PDE8A: variants seen among roughly 807,000 people sequenced by gnomAD.
PDE8A encodes phosphodiesterase 8A, also known as high affinity cAMP-specific and IBMX-insensitive 3',5'-cyclic phosphodiesterase 8A.
In PDE8A, 59 loss-of-function variants were observed where a neutral mutation model predicts 105.0. The observed-to-expected ratio is 0.56, with a 90% CI of 0.46 to 0.70. The LOEUF (loss-of-function observed/expected upper bound fraction) is 0.70. Among genes scored for constraint, PDE8A ranks in the 30% least tolerant of loss-of-function variants. The probability of loss-of-function intolerance (pLI) is 0.00; values close to 1 mark genes in which losing one functional copy is unlikely to be tolerated. For missense variants in PDE8A, 1,014 were observed against 1,045.9 expected (o/e 0.97, Z 0.42); for synonymous variants, 355 against 371.9 (o/e 0.95, Z 0.52).
chr15:85,122,827 C>G (rs1254648168), intron 18 of PDE8A, among the ~76,000 whole-genome samples: 1 of 152,202 alleles, frequency 6.6e-6, no homozygotes, highest in Non-Finnish European at 1.5e-5. Context: ...AACACTGCAA[C>G]TATAAGTTTT....
At chr15:85,103,747 A>G (rs2081903786) in intron 11 of PDE8A, among the ~76,000 whole-genome samples, 1 of 152,220 alleles carries the variant, frequency 6.6e-6, no homozygotes, top group Non-Finnish European at 1.5e-5. Flanking sequence ...CACTGCTGTC[A>G]CTACTGAGCT....
intron 1 of PDE8A, among the ~76,000 whole-genome samples, chr15:84,999,144 G>T (rs1381859103): frequency 7.8e-6 from 1 of 128,904 alleles, no homozygotes; most frequent in African/African-American, 2.9e-5. Flanking sequence ...TTTTTGAGAC[G>T]GAATCTTGCT....
At chr15:85,087,922 T>G (rs1222122693) in intron 6 of PDE8A, among the ~76,000 whole-genome samples, 1 of 152,354 alleles carries the variant, frequency 6.6e-6, no homozygotes, top group East Asian at 1.9e-4. Flanking sequence ...TGTTGAGACG[T>G]CTGGGTATTG....
rs2082058668 is a variant in PDE8A at position 85,114,016 on chromosome 15, C to G, written c.1329C>G (p.Asp443Glu). 1 of 1,613,644 alleles carries G rather than the reference C, an allele frequency of 6.2e-7. No individual in the cohort carries two copies. Among genetic ancestry groups the G allele is most frequent in the Non-Finnish European group, 8.5e-7 (1 of 1,179,658 alleles). Reference protein sequence around the residue: ...GAKDDDPHANDLVGGLMSDGL... With the variant: ...GAKDDDPHANELVGGLMSDGL... ...AAGATGATGATCCCCATGCCAATGA[C>G]CTTGTTGGGGGCTTAATGTCTGTAA... Residue 443 changes from aspartate to glutamate, a missense_variant, in exon 14 of 22, where the codon GAC becomes GAG. By Grantham distance (45) the Asp-to-Glu change is conservative. Transcript: ENST00000394553.
chr15:85,071,812 G>A (rs1180191332), intron 3 of PDE8A, among the ~76,000 whole-genome samples: 2 of 152,158 alleles, frequency 1.3e-5, no homozygotes, highest in Middle Eastern at 3.2e-3. Context: ...ATGAGAAGGG[G>A]GGCCTGTGAA....
At chr15:84,999,547 CT>C (rs1022977945) in intron 1 of PDE8A, among the ~76,000 whole-genome samples, 2 of 120,358 alleles carry the variant, frequency 1.7e-5, no homozygotes, top group Non-Finnish European at 3.4e-5. Flanking sequence ...CATGGCCTCC[CT>C]TTTTTGTTGT....
At chr15:85,114,084 G>T in intron 14 of PDE8A, 47 bp downstream of exon 14, 1 of 1,544,806 alleles carries the variant, frequency 6.5e-7, no homozygotes. Context: ...TCTGTTCTTG[G>T]TTGTTTTCTC....
At chr15:85,088,827 C>T (rs1435694569) in intron 6 of PDE8A, among the ~76,000 whole-genome samples, 1 of 152,174 alleles carries the variant, frequency 6.6e-6, no homozygotes, top group African/African-American at 2.4e-5. Flanking sequence ...TGAGAAAATG[C>T]TCACAGAAGA....
intron 1 of PDE8A, among the ~76,000 whole-genome samples, chr15:85,003,970 A>G (rs2080105780): frequency 6.6e-6 from 1 of 152,206 alleles, no homozygotes; most frequent in Non-Finnish European, 1.5e-5. Flanking sequence ...AGAAAAGAGC[A>G]TGGAGGGTCA....
Position 85,057,649 on chromosome 15 carries a change from A to C in PDE8A, c.187-6721A>C, listed in dbSNP as rs552167112. Among the ~76,000 whole-genome samples the C allele has an allele frequency of 1.2e-4, 18 of 152,326 alleles. 1 individual carries two copies. In the South Asian group the frequency reaches 1.4e-3, roughly 12 times the overall value. ...GGAGCTGTAGACTGGAGCTGTTCCT[A>C]TTCGGCCATCTTGGAACCTCCTGTG... On this transcript the variant is annotated intron_variant, in intron 1 of 21. Transcript: ENST00000394553.
chr15:85,123,337 TACACACACACACAC>T (rs58421452), intron 19 of PDE8A, 144 bp downstream of exon 19: 20,501 of 330,066 alleles, frequency 0.062, 618 homozygotes, highest in Non-Finnish European at 0.083. Flanking sequence ...ACTAATGGGA[TACACACACACACAC>T]ACACACACAC....
chr15:85,097,607 T>C (rs548767451), intron 8 of PDE8A, among the ~76,000 whole-genome samples: 5 of 152,308 alleles, frequency 3.3e-5, no homozygotes, highest in African/African-American at 1.2e-4. Flanking sequence ...GGGCAGAGGC[T>C]AAGCCCCCTC....
chr15:85,098,764 C>T (rs75937725), intron 9 of PDE8A, among the ~76,000 whole-genome samples: 3,210 of 152,018 alleles, frequency 0.021, 78 homozygotes, highest in Admixed American at 0.066. Flanking sequence ...GTTTGGGATC[C>T]GCCTGAGCAA....
intron 1 of PDE8A, among the ~76,000 whole-genome samples, chr15:84,988,519 G>A (rs2079838409): frequency 1.3e-5 from 2 of 152,202 alleles, no homozygotes; most frequent in African/African-American, 2.4e-5. Context: ...TGTCTGAAAT[G>A]AGTTGGGAGG....
At chr15:85,135,187 G>A (rs915099016) in intron 20 of PDE8A, among the ~76,000 whole-genome samples, 1 of 152,122 alleles carries the variant, frequency 6.6e-6, no homozygotes, top group Non-Finnish European at 1.5e-5. Context: ...GATGGGGTGA[G>A]CTCTGCTGGC....
At chr15:85,125,386 G>A (rs1228364973) in intron 19 of PDE8A, among the ~76,000 whole-genome samples, 3 of 152,086 alleles carry the variant, frequency 2.0e-5, no homozygotes. Context: ...CCTCTAACCT[G>A]AATTCTCTTC....
intron 17 of PDE8A, among the ~76,000 whole-genome samples, chr15:85,118,533 T>C (rs2082131516): frequency 6.6e-6 from 1 of 152,228 alleles, no homozygotes; most frequent in Non-Finnish European, 1.5e-5. Flanking sequence ...ATGTGATCTT[T>C]CTGAAACAGC....
chr15:85,110,622 AG>A (rs1466790004), intron 12 of PDE8A, among the ~76,000 whole-genome samples: 1 of 152,194 alleles, frequency 6.6e-6, no homozygotes, highest in African/African-American at 2.4e-5. Flanking sequence ...GGTATGTCAT[AG>A]TTCCTTCCTT....
intron 12 of PDE8A, among the ~76,000 whole-genome samples, chr15:85,110,765 A>G (rs769665719): frequency 1.6e-4 from 24 of 152,168 alleles, no homozygotes; most frequent in Non-Finnish European, 2.5e-4. Context: ...TTGTGGATGT[A>G]TATGCTCATC....
Sources: gnomAD v4.1 joint callset for allele counts (sites outside exome capture counted in the v4.1 genomes callset) on GRCh38, gnomAD v4.1.1 for gene constraint, MANE v1.5 for transcripts, NCBI Gene and HGNC (gene_info 2026-07-23, HGNC 2026-07-21) for gene names.